SNCAIP: variants seen among roughly 807,000 people sequenced by gnomAD.
The protein encoded by SNCAIP is synuclein alpha interacting protein.
Under a neutral mutation model 86.7 loss-of-function variants are expected in SNCAIP, and 43 were observed. The observed-to-expected ratio is 0.50, with a 90% CI of 0.39 to 0.64. The LOEUF is 0.64. Ranked by LOEUF, SNCAIP falls within the 30% of genes least tolerant of loss-of-function variation. The pLI is 0.00. For missense variants in SNCAIP, 981 were observed against 1,103.1 expected, an observed-to-expected ratio of 0.89 and a Z score of 1.57; for synonymous variants, 417 against 427.2, an observed-to-expected ratio of 0.98 and a Z score of 0.29.
chr5:122,316,657 G>A (rs1030403064), intron 1 of SNCAIP, among the ~76,000 whole-genome samples: 6 of 152,112 alleles, frequency 3.9e-5, no homozygotes, highest in African/African-American at 9.7e-5. Context: ...AAGAAAAGAC[G>A]GTCTGGCACA....
chr5:122,352,210 A>G (rs1330655392), intron 1 of SNCAIP, among the ~76,000 whole-genome samples: 1 of 152,232 alleles, frequency 6.6e-6, no homozygotes, highest in African/African-American at 2.4e-5. Flanking sequence ...TGTCATCAAA[A>G]AAGATGACAC....
At chr5:122,421,496 T>C (rs907313653) in intron 3 of SNCAIP, among the ~76,000 whole-genome samples, 1 of 152,214 alleles carries the variant, frequency 6.6e-6, no homozygotes, top group Non-Finnish European at 1.5e-5. Flanking sequence ...TAAGAATCAG[T>C]CATAGCCAGA....
chr5:122,380,161 A>G (rs1766371412), intron 1 of SNCAIP, among the ~76,000 whole-genome samples: 2 of 152,124 alleles, frequency 1.3e-5, no homozygotes, highest in South Asian at 4.1e-4. Context: ...CTGTGAATCC[A>G]TCTGGTCCTG....
intron 5 of SNCAIP, 31 bp downstream of exon 5, chr5:122,425,562 C>A (rs1218459888): frequency 7.0e-6 from 11 of 1,577,102 alleles, no homozygotes; most frequent in Non-Finnish European, 9.6e-6. Flanking sequence ...ACCTCCACAG[C>A]TAGAAGCTGG....
At chr5:122,442,795 T>G (rs1781348679) in intron 7 of SNCAIP, among the ~76,000 whole-genome samples, 1 of 152,164 alleles carries the variant, frequency 6.6e-6, no homozygotes, top group Non-Finnish European at 1.5e-5. Context: ...GTCTTTGCTT[T>G]TAGAGCGTTC....
intron 1 of SNCAIP, among the ~76,000 whole-genome samples, chr5:122,382,553 A>T (rs1232999711): frequency 6.6e-6 from 1 of 152,204 alleles, no homozygotes; most frequent in Non-Finnish European, 1.5e-5. Flanking sequence ...CGTCAAAGTC[A>T]TTCTCCATCC....
chr5:122,360,900 G>T (rs996810542), intron 1 of SNCAIP, among the ~76,000 whole-genome samples: 2 of 151,892 alleles, frequency 1.3e-5, no homozygotes, highest in Non-Finnish European at 2.9e-5. Context: ...ATAATCAGGA[G>T]ATGAGGGGAA....
At chr5:122,439,411 T>C (rs1193807752) in intron 6 of SNCAIP, among the ~76,000 whole-genome samples, 14 of 152,220 alleles carry the variant, frequency 9.2e-5, no homozygotes, top group Admixed American at 7.2e-4. Context: ...CATCATGCTC[T>C]TTAGGGGTCT....
intron 7 of SNCAIP, chr5:122,444,318 G>A (rs1781801669): frequency 1.8e-6 from 1 of 565,400 alleles, no homozygotes; most frequent in African/African-American, 1.9e-5. Flanking sequence ...TCATAAAGGA[G>A]AGCACACTAT....
chr5:122,336,178 GAGAGAGAGAGAGAA>G (rs1756417362), intron 1 of SNCAIP, among the ~76,000 whole-genome samples: 1 of 149,568 alleles, frequency 6.7e-6, no homozygotes, highest in Non-Finnish European at 1.5e-5. Flanking sequence ...GTTATCAAGA[GAGAGAGAGAGAGAA>G]AGAGAGAGAG....
chr5:122,454,890 A>G (rs1265171682), intron 10 of SNCAIP, among the ~76,000 whole-genome samples: 2 of 152,212 alleles, frequency 1.3e-5, no homozygotes, highest in African/African-American at 2.4e-5. Flanking sequence ...ATCTGTTATA[A>G]TAGGATTACA....
intron 3 of SNCAIP, among the ~76,000 whole-genome samples, chr5:122,419,472 G>A (rs894364012): frequency 6.6e-6 from 1 of 152,188 alleles, no homozygotes; most frequent in South Asian, 2.1e-4. Context: ...AATCTGTGGT[G>A]TAATCAGATA....
intron 7 of SNCAIP, among the ~76,000 whole-genome samples, chr5:122,443,874 C>T (rs546583333): frequency 6.6e-6 from 1 of 152,280 alleles, no homozygotes; most frequent in African/African-American, 2.4e-5. Context: ...TTCCCCTCCT[C>T]CCCCATACAG....
At chr5:122,414,345 C>G (rs1774824482) in intron 3 of SNCAIP, among the ~76,000 whole-genome samples, 1 of 151,380 alleles carries the variant, frequency 6.6e-6, no homozygotes, top group Admixed American at 6.6e-5. Flanking sequence ...ATTCTCCTGC[C>G]TCAGCCTCCT....
At chr5:122,384,927 A>G (rs1767778466) in intron 1 of SNCAIP, among the ~76,000 whole-genome samples, 1 of 152,124 alleles carries the variant, frequency 6.6e-6, no homozygotes. Context: ...TACAGCAATC[A>G]ATGCTAAATC....
chr5:122,390,931 A>G (rs1159522630), intron 1 of SNCAIP, among the ~76,000 whole-genome samples, 158 bp from the exon 2 acceptor site: 1 of 152,200 alleles, frequency 6.6e-6, no homozygotes, highest in Admixed American at 6.5e-5. Flanking sequence ...TGCTTCTGGA[A>G]AGCCAGGCTG....
chr5:122,402,882 A>C (rs1183585471), intron 2 of SNCAIP, among the ~76,000 whole-genome samples: 1 of 152,230 alleles, frequency 6.6e-6, no homozygotes, highest in Non-Finnish European at 1.5e-5. Flanking sequence ...GTAAAAAGCA[A>C]AATAGTTTCA....
At chr5:122,400,622 G>T (rs193202516) in intron 2 of SNCAIP, among the ~76,000 whole-genome samples, 8 of 152,326 alleles carry the variant, frequency 5.3e-5, no homozygotes, top group Non-Finnish European at 7.4e-5. Flanking sequence ...AAAGCAATCA[G>T]CCAGGGCTTC....
At chr5:122,431,317 C>T (rs913397458) in intron 5 of SNCAIP, among the ~76,000 whole-genome samples, 1 of 152,132 alleles carries the variant, frequency 6.6e-6, no homozygotes, top group Non-Finnish European at 1.5e-5. Context: ...CAACTTTATT[C>T]ATAATATCCC....
Sources: allele counts gnomAD v4.1 joint callset (sites outside exome capture counted in the v4.1 genomes callset), GRCh38; gene constraint gnomAD v4.1.1; transcripts MANE v1.5; gene names NCBI Gene and HGNC (gene_info 2026-07-23, HGNC 2026-07-21).